Variants in DNMT3A observed in about 807,000 individuals in gnomAD.
DNMT3A encodes DNA methyltransferase 3 alpha.
A neutral mutation model predicts 117.6 loss-of-function variants in DNMT3A; 267 were observed. That is an observed-to-expected ratio of 2.27 (90% CI 2.05 to 2.51). The LOEUF (loss-of-function observed/expected upper bound fraction) is 2.51, where lower values mean the gene tolerates loss of function less well. Among genes scored for constraint, DNMT3A ranks in the 30% most tolerant of loss-of-function variants. DNMT3A has a pLI of 0.00. For synonymous variants in DNMT3A, 432 were observed against 474.8 expected (o/e 0.91, Z 1.17); for missense variants, 1,029 against 1,260.2 (o/e 0.82, Z 2.78).
intron 6 of DNMT3A, among the ~76,000 whole-genome samples, chr2:25,250,228 G>T (rs1003357185): frequency 6.6e-6 from 1 of 152,192 alleles, no homozygotes; most frequent in African/African-American, 2.4e-5. Flanking sequence ...AAGCTCAGTG[G>T]TCCAATGTAT....
At chr2:25,278,042 C>CACAAAAACAG (rs1553422579) in intron 4 of DNMT3A, among the ~76,000 whole-genome samples, 11 of 146,294 alleles carry the variant, frequency 7.5e-5, no homozygotes, top group African/African-American at 1.8e-4. Flanking sequence ...CACACACAGA[C>CACAAAAACAG]ACACACGCTT....
intron 6 of DNMT3A, among the ~76,000 whole-genome samples, chr2:25,266,458 C>T (rs1363376330): frequency 1.8e-5 from 2 of 112,684 alleles, no homozygotes; most frequent in African/African-American, 6.4e-5. Context: ...GGAGATCACA[C>T]CTTATTATCT....
At chr2:25,276,876 A>C (rs1171453011) in intron 4 of DNMT3A, among the ~76,000 whole-genome samples, 1 of 152,228 alleles carries the variant, frequency 6.6e-6, no homozygotes, top group East Asian at 1.9e-4. Context: ...TGTGAAGCGG[A>C]AGCCAGCCAC....
rs1268205067 is a variant in DNMT3A, at chr2:25,296,121, C to A, written c.177+4018G>T. On this transcript the variant is annotated intron_variant, in intron 3 of 22. Coordinates refer to ENST00000321117, the MANE Select transcript of DNMT3A (RefSeq NM_022552.5). This position sits in a 1 kb window ranked among gnomAD's most constrained non-coding sequence, Gnocchi z 4.2. The stretch of plus-strand genomic sequence containing the variant: ...CTGTACCGACAGGTGACAACAAATG[C>A]TTCTCAAAGTGAGGTCTGCAGACCA... Among the ~76,000 whole-genome samples the A allele has an allele frequency of 6.6e-6, 1 of 152,234 alleles. No homozygotes were observed. The highest frequency in any genetic ancestry group is 1.5e-5 in the Non-Finnish European group (1 of 68,048).
rs180784060 is a variant in DNMT3A at position 25,247,546 on chromosome 2, A to G, written c.1014+45T>C. Reference sequence around the variant, plus strand: ...GCCAAAACCACAGGCCCTGGGATCAAGAACCTTCCCCCACCCCAGGCTACT... The same window carrying G: ...GCCAAAACCACAGGCCCTGGGATCAGGAACCTTCCCCCACCCCAGGCTACT... On this transcript the variant is annotated intron_variant, in intron 8 of 22. Coordinates refer to ENST00000321117, the MANE Select transcript of DNMT3A (RefSeq NM_022552.5). This position sits in a 1 kb window ranked among gnomAD's most constrained non-coding sequence, Gnocchi z 5.6. The G allele has an allele frequency of 1.3e-4, 212 of 1,600,302 alleles. 1 individual carries two copies. Among genetic ancestry groups the G allele is most frequent in the Admixed American group, 1.9e-4 (11 of 58,588 alleles).
At position 25,341,899 on chromosome 2, in the gene DNMT3A, T is replaced by C. The variant is rs1168661242; in HGVS notation, c.-251A>G. The C allele has an allele frequency of 1.1e-5, 11 of 978,130 alleles. No homozygotes were observed. In the Admixed American group the frequency reaches 7.1e-4, roughly 63 times the overall value. 60.6% of individuals were successfully genotyped at this position (978,130 alleles called of 1,614,324 possible). ...CGGCGCCGCGTCCCGGCTCGTCCTC[T>C]GCTCTCGCCGCCGCCGCCGCCCGCG... On this transcript the variant is annotated 5_prime_UTR_variant, in exon 1 of 23. Coordinates refer to ENST00000321117, the MANE Select transcript of DNMT3A (RefSeq NM_022552.5).
At chr2:25,275,627 G>C in intron 4 of DNMT3A, 84 bp from the exon 5 acceptor site, 1 of 1,462,722 alleles carries the variant, frequency 6.8e-7, no homozygotes, top group South Asian at 1.4e-5. Flanking sequence ...TTGTGCCTGG[G>C]GTCCCTGCCA....
Position 25,297,854 on chromosome 2 carries a change from G to C in DNMT3A, c.177+2285C>G, listed in dbSNP as rs372166817. ...CTTTTGCTGTTTGCCAAGTGCCCCA[G>C]GAGGTGGACAGGGCAGGTTTTACTG... is the stretch of plus-strand genomic sequence containing the variant. On this transcript the variant is annotated intron_variant, in intron 3 of 22. Transcript: ENST00000321117. 7.1e-4 allele frequency among the ~76,000 whole-genome samples: 108 copies of C among 152,332 alleles called. No individual in the cohort carries two copies. In the Middle Eastern group the frequency reaches 0.027, roughly 38 times the overall value.
intron 2 of DNMT3A, among the ~76,000 whole-genome samples, chr2:25,308,348 G>A (rs949912634): frequency 4.6e-5 from 7 of 152,228 alleles, no homozygotes; most frequent in South Asian, 4.1e-4. Flanking sequence ...TCCAAGTCAC[G>A]TGACAGAGTC....
rs180823998 is a variant in DNMT3A, at chr2:25,320,897, C to T, written c.-177-6736G>A. Among the ~76,000 whole-genome samples the T allele has an allele frequency of 6.6e-3, 1,011 of 152,166 alleles. 17 individuals carry two copies. The highest frequency in any genetic ancestry group is 0.023 in the African/African-American group (953 of 41,514). On this transcript the variant is annotated intron_variant, in intron 1 of 22. Transcript: ENST00000321117. The stretch of plus-strand genomic sequence containing the variant: ...CTGTAATCCCAGCACTTTGGGAGGC[C>T]GAGGAGGGTGGATCACCTGAGGTCG...
intron 6 of DNMT3A, among the ~76,000 whole-genome samples, chr2:25,271,620 G>A (rs578007548): frequency 5.3e-5 from 8 of 152,266 alleles, no homozygotes; most frequent in South Asian, 2.1e-4. Flanking sequence ...TATAAAACTC[G>A]GTAGCCCCAA....
chr2:25,241,937 G>A lies in DNMT3A; in HGVS notation c.1937-230C>T, dbSNP rs1380147365. Reference sequence around the variant, plus strand: ...TTGGCCTATCTGGAAGGCAGTCAAAGCTGCAGAAAACTGACCGGAGAGTAC... The same window carrying A: ...TTGGCCTATCTGGAAGGCAGTCAAAACTGCAGAAAACTGACCGGAGAGTAC... On this transcript the variant is annotated intron_variant, in intron 16 of 22. Transcript: ENST00000321117. 1.3e-5 allele frequency: 7 copies of A among 558,046 alleles called. No individual in the cohort carries two copies. The African/African-American group carries it at 1.4e-4, about 11-fold the overall frequency. The allele number at this position is 558,046 out of a possible 1,614,324, so 34.6% of individuals were successfully genotyped here. A position where few individuals can be genotyped will look rare whatever the true frequency, so the allele number is the denominator to read the frequency against.
Position 25,243,750 on chromosome 2 carries a change from T to C in DNMT3A, c.1936+148A>G, listed in dbSNP as rs1674356578. 4.3e-6 allele frequency: 4 copies of C among 929,340 alleles called. No homozygotes were observed. The South Asian group carries it at 6.2e-5, about 14-fold the overall frequency. 57.6% of individuals were successfully genotyped at this position (929,340 alleles called of 1,614,324 possible). A position where few individuals can be genotyped will look rare whatever the true frequency, so the allele number is the denominator to read the frequency against. ...TCTAAGTCCACGGACTGCATACGTT[T>C]CCACTTCACACACAAGCTTCCCCTT... On this transcript the variant is annotated intron_variant, in intron 16 of 22. Coordinates refer to ENST00000321117, the MANE Select transcript of DNMT3A (RefSeq NM_022552.5).
intron 20 of DNMT3A, among the ~76,000 whole-genome samples, chr2:25,238,215 C>T (rs573632540): frequency 1.2e-4 from 19 of 152,158 alleles, no homozygotes; most frequent in Non-Finnish European, 2.2e-4. Flanking sequence ...TGGGAACTCT[C>T]GGGGGACAGT....
Position 25,278,922 on chromosome 2 carries a change from GC to G in DNMT3A, c.449-3380del, listed in dbSNP as rs2031675980. Among the ~76,000 whole-genome samples, 3 of 152,312 alleles carry G rather than the reference GC, an allele frequency of 2.0e-5. No individual in the cohort carries two copies. The South Asian group carries it at 6.2e-4, about 32-fold the overall frequency. On this transcript the variant is annotated intron_variant, in intron 4 of 22. Transcript: ENST00000321117. ...CTTTCATATACATGGGAAGCATGAG[GC>G]CCTCTTTAAAATGCAGATTCTGATC...
upstream of DNMT3A, chr2:25,341,927 C>CCCTA: frequency 1.0e-6 from 1 of 958,260 alleles, no homozygotes; most frequent in South Asian, 4.8e-5. Context: ...CGCCCGCGCG[C>CCCTA]CCTCCCTCCC....
chr2:25,251,949 C>A, intron 6 of DNMT3A: 1 of 497,578 alleles, frequency 2.0e-6, no homozygotes, highest in Non-Finnish European at 3.5e-6. Context: ...CTTCCTGTCC[C>A]CCGAGGGCGC....
chr2:25,277,209 G>A (rs189810215), intron 4 of DNMT3A, among the ~76,000 whole-genome samples: 148 of 152,268 alleles, frequency 9.7e-4, no homozygotes, highest in Admixed American at 2.2e-3. Context: ...GGCCTTTTAA[G>A]GGCTGTCTCA....
intron 1 of DNMT3A, 191 bp from the exon 2 acceptor site, chr2:25,314,352 G>A: frequency 1.0e-6 from 1 of 985,358 alleles, no homozygotes; most frequent in Non-Finnish European, 1.2e-6. Context: ...AGCAGCCTCT[G>A]AGAGCCTTGG....
Sources: allele counts gnomAD v4.1 joint callset (sites outside exome capture counted in the v4.1 genomes callset), GRCh38; gene constraint gnomAD v4.1.1; non-coding constraint Gnocchi (gnomAD v3.1); transcripts MANE v1.5; gene names NCBI Gene and HGNC (gene_info 2026-07-23, HGNC 2026-07-21).